Variants in ZBED3 observed in about 807,000 individuals in gnomAD.
The protein encoded by ZBED3 is zinc finger BED-type containing 3.
For synonymous variants in ZBED3, 175 were observed against 180.0 expected, an observed-to-expected ratio of 0.97 and a Z score of 0.22; for missense variants, 388 against 362.9, an observed-to-expected ratio of 1.07 and a Z score of -0.56.
chr5:77,077,404 G>A lies in ZBED3; in HGVS notation c.475C>T (p.Gln159Ter). 2.4e-6 allele frequency: 3 copies of A among 1,248,434 alleles called. No individual in the cohort carries two copies. The highest frequency in any genetic ancestry group is 3.6e-5 in the East Asian group (1 of 28,096). 77.3% of individuals were successfully genotyped at this position (1,248,434 alleles called of 1,614,324 possible). Reference sequence around the variant, plus strand: ...CTCCGCTCCAGGGCGCGCTCGCCCTGCTCCACGGCCAGCTCGCGCCGCTCC... The same window carrying A: ...CTCCGCTCCAGGGCGCGCTCGCCCTACTCCACGGCCAGCTCGCGCCGCTCC... The part of the protein sequence containing the change: ...ELERRELAVE[Q>*]GERALERRRR... Residue 159 changes from glutamine to a stop codon, truncating the protein, a stop_gained, in exon 3 of 3, where the codon CAG becomes TAG. Transcript: ENST00000255198. LOFTEE classifies it low-confidence loss of function (END_TRUNC).
chr5:77,077,783 C>T lies in ZBED3; in HGVS notation c.96G>A (p.Ala32=). 7.6e-7 allele frequency: 1 copy of T among 1,316,990 alleles called. No individual in the cohort carries two copies. Among genetic ancestry groups the T allele is most frequent in the Non-Finnish European group, 9.6e-7 (1 of 1,037,480 alleles). 81.6% of individuals were successfully genotyped at this position (1,316,990 alleles called of 1,614,324 possible). ...RGGQCPGLGP[A]PTPTPPGRLG... ...GGCGGCCGGGAGGCGTCGGCGTCGGCGCCGGCCCCAGTCCCGGACACTGAC... is the reference window on the plus strand; with the variant it reads ...GGCGGCCGGGAGGCGTCGGCGTCGGTGCCGGCCCCAGTCCCGGACACTGAC... Residue 32 remains alanine (A), a synonymous_variant, in exon 3 of 3, where the codon GCG becomes GCA. Transcript: ENST00000255198.
Position 77,077,505 on chromosome 5 carries a change from G to A in ZBED3, c.374C>T (p.Pro125Leu). The part of the protein sequence containing the change: ...CPPPPGPAAA[P>L]EGDWARLLEQ... Reference sequence around the variant, plus strand: ...CAGCAGGCGCGCCCAGTCGCCCTCGGGGGCCGCAGCGGGGCCGGGCGGCGG... The same window carrying A: ...CAGCAGGCGCGCCCAGTCGCCCTCGAGGGCCGCAGCGGGGCCGGGCGGCGG... Residue 125 changes from proline to leucine, a missense_variant, in exon 3 of 3, where the codon CCC (proline) becomes CTC (leucine). Physicochemically the swap from Pro to Leu is moderately conservative, Grantham distance 98. Transcript: ENST00000255198. 8.4e-7 allele frequency: 1 copy of A among 1,194,426 alleles called. No individual in the cohort carries two copies. Among genetic ancestry groups the A allele is most frequent in the Non-Finnish European group, 1.0e-6 (1 of 966,916 alleles). 74.0% of individuals were successfully genotyped at this position (1,194,426 alleles called of 1,614,324 possible).
rs1561296234 is a variant in ZBED3 at position 77,075,938 on chromosome 5, TATATACATA to T, written c.*1227_*1235del. 14 of 13,010 alleles carry T rather than the reference TATATACATA, an allele frequency of 1.1e-3. 1 individual carries two copies. Among genetic ancestry groups the T allele is most frequent in the African/African-American group, 3.2e-3 (10 of 3,168 alleles). The allele number at this position is 13,010 out of a possible 1,614,324, so 0.8% of individuals were successfully genotyped here. The stretch of plus-strand genomic sequence containing the variant: ...ATGCACCCTAGAACTTAAAGTATTA[TATATACATA>T]TATATATATATATATATATGTATAT... On this transcript the variant is annotated 3_prime_UTR_variant, in exon 3 of 3. Transcript: ENST00000255198.
At chr5:77,082,013 T>G (rs2914140) in intron 1 of ZBED3, among the ~76,000 whole-genome samples, 1 of 151,938 alleles carries the variant, frequency 6.6e-6, no homozygotes, top group Non-Finnish European at 1.5e-5. Context: ...ACGCCTGTAA[T>G]CCCAACACTT....
Position 77,083,906 on chromosome 5 carries a change from C to T in ZBED3, c.-153+3205G>A, listed in dbSNP as rs747726042. Reference sequence around the variant, plus strand: ...TTAATTAGCCAAAGCCCTGTGATAACGCGTTTCTTCCTTACCAAATACCCA... The same window carrying T: ...TTAATTAGCCAAAGCCCTGTGATAATGCGTTTCTTCCTTACCAAATACCCA... On this transcript the variant is annotated intron_variant, in intron 1 of 2. Transcript: ENST00000255198. 4.6e-5 allele frequency among the ~76,000 whole-genome samples: 7 copies of T among 152,276 alleles called. No individual in the cohort carries two copies. The East Asian group carries it at 5.8e-4, about 13-fold the overall frequency.
intron 1 of ZBED3, among the ~76,000 whole-genome samples, chr5:77,081,706 C>A (rs1743132756): frequency 6.6e-6 from 1 of 151,986 alleles, no homozygotes; most frequent in South Asian, 2.1e-4. Context: ...GTAAGAGATC[C>A]CTCAATTTTT....
chr5:77,081,121 C>G (rs1005758007), intron 1 of ZBED3, among the ~76,000 whole-genome samples: 2 of 152,044 alleles, frequency 1.3e-5, no homozygotes, highest in African/African-American at 2.4e-5. Context: ...CTCCACTGGC[C>G]AGGAAATTTA....
intron 1 of ZBED3, among the ~76,000 whole-genome samples, chr5:77,082,530 G>A (rs1409496029): frequency 1.3e-5 from 2 of 152,200 alleles, no homozygotes; most frequent in Non-Finnish European, 2.9e-5. Flanking sequence ...TCTGTTCAAT[G>A]TCTTACAAGG....
At position 77,077,561 on chromosome 5, in the gene ZBED3, G is replaced by A. The variant is rs757689613; in HGVS notation, c.318C>T (p.Ala106=). 2.4e-6 allele frequency: 3 copies of A among 1,262,808 alleles called. No individual in the cohort carries two copies. Among genetic ancestry groups the A allele is most frequent in the South Asian group, 5.7e-5 (2 of 35,126 alleles). The allele number at this position is 1,262,808 out of a possible 1,614,324, so 78.2% of individuals were successfully genotyped here. Residue 106 remains alanine (A), a synonymous_variant, in exon 3 of 3, where the codon GCC becomes GCT. Coordinates refer to ENST00000255198, the MANE Select transcript of ZBED3 (RefSeq NM_032367.4). ...AHRRELESSG[A]GSSPPAAPCP... Reference sequence around the variant, plus strand: ...AGGGCGCGGCAGGTGGGGAGCTCCCGGCGCCGCTGCTCTCCAGCTCCCGCC... The same window carrying A: ...AGGGCGCGGCAGGTGGGGAGCTCCCAGCGCCGCTGCTCTCCAGCTCCCGCC...
intron 1 of ZBED3, among the ~76,000 whole-genome samples, chr5:77,083,262 C>T (rs1743168349): frequency 6.6e-6 from 1 of 152,244 alleles, no homozygotes; most frequent in Non-Finnish European, 1.5e-5. Flanking sequence ...GGGAAGCCCA[C>T]TGCTGCGCCG....
rs1742917176 is a variant in ZBED3 at position 77,073,304 on chromosome 5, G to A, written c.*3870C>T. 6.6e-6 allele frequency: 1 copy of A among 152,000 alleles called. No individual in the cohort carries two copies. The highest frequency in any genetic ancestry group is 1.5e-5 in the Non-Finnish European group (1 of 68,018). 9.4% of individuals were successfully genotyped at this position (152,000 alleles called of 1,614,324 possible). A position where few individuals can be genotyped will look rare whatever the true frequency, so the allele number is the denominator to read the frequency against. ...CTATGTTTTAATGGTTCTTACAATT[G>A]GTGAGATAGAAGAGTAACATTTGTG... is the stretch of plus-strand genomic sequence containing the variant. On this transcript the variant is annotated 3_prime_UTR_variant, in exon 3 of 3. Transcript: ENST00000255198.
Position 77,075,277 on chromosome 5 carries a change from A to G in ZBED3, c.*1897T>C, listed in dbSNP as rs899804497. 6.6e-6 allele frequency: 1 copy of G among 152,246 alleles called. No homozygotes were observed. Among genetic ancestry groups the G allele is most frequent in the Non-Finnish European group, 1.5e-5 (1 of 68,060 alleles). 9.4% of individuals were successfully genotyped at this position (152,246 alleles called of 1,614,324 possible). A position where few individuals can be genotyped will look rare whatever the true frequency, so the allele number is the denominator to read the frequency against. ...AGCTGGCCTGGATGCTTCAAAAAGT[A>G]TCATGGGAAAATATGTTGGGGTTGT... On this transcript the variant is annotated 3_prime_UTR_variant, in exon 3 of 3. Transcript: ENST00000255198.
intron 1 of ZBED3, among the ~76,000 whole-genome samples, chr5:77,083,095 C>A (rs772290730): frequency 6.6e-6 from 1 of 152,140 alleles, no homozygotes; most frequent in Non-Finnish European, 1.5e-5. Context: ...CGAGATTGCA[C>A]GATTGTACTC....
chr5:77,075,892 G>A lies in ZBED3; in HGVS notation c.*1282C>T, dbSNP rs77087941. On this transcript the variant is annotated 3_prime_UTR_variant, in exon 3 of 3. Coordinates refer to ENST00000255198, the MANE Select transcript of ZBED3 (RefSeq NM_032367.4). ...GATTGTGGCAGCTTGGAAATAGTCT[G>A]GTGAAGCATAGAAAACTGACATGCA... The A allele has an allele frequency of 4.4e-3, 591 of 135,630 alleles. 39 individuals are homozygous for A. The highest frequency in any genetic ancestry group is 0.015 in the African/African-American group (543 of 36,328). 8.4% of individuals were successfully genotyped at this position (135,630 alleles called of 1,614,324 possible). A position where few individuals can be genotyped will look rare whatever the true frequency, so the allele number is the denominator to read the frequency against.
In ZBED3 at chr5:77,077,140, A is replaced by G; in HGVS notation, c.*34T>C. On this transcript the variant is annotated 3_prime_UTR_variant, in exon 3 of 3. Transcript: ENST00000255198. ...TGAAGGCATTGGCATTGGACGGAGA[A>G]GCGCTGTCCTGGGGTGGGGAAGTGG... 1 of 1,358,156 alleles carries G rather than the reference A, an allele frequency of 7.4e-7. No homozygotes were observed. Among genetic ancestry groups the G allele is most frequent in the Non-Finnish European group, 9.5e-7 (1 of 1,054,610 alleles). 84.1% of individuals were successfully genotyped at this position (1,358,156 alleles called of 1,614,324 possible).
At chr5:77,084,398 C>T (rs1015077383) in intron 1 of ZBED3, among the ~76,000 whole-genome samples, 5 of 152,286 alleles carry the variant, frequency 3.3e-5, no homozygotes, top group Middle Eastern at 6.8e-3. Flanking sequence ...GTTTTATAAA[C>T]GAGAAGCCCT....
At position 77,084,035 on chromosome 5, in the gene ZBED3, A is replaced by G. The variant is rs558024804; in HGVS notation, c.-153+3076T>C. Among the ~76,000 whole-genome samples, 9 of 152,350 alleles carry G rather than the reference A, an allele frequency of 5.9e-5. No homozygotes were observed. The East Asian group carries it at 1.5e-3, about 26-fold the overall frequency. Reference sequence around the variant, plus strand: ...TTTTTAAACTAACACAAAGATGCCAATGAATGAGTATTTTGCTTACATCCA... The same window carrying G: ...TTTTTAAACTAACACAAAGATGCCAGTGAATGAGTATTTTGCTTACATCCA... On this transcript the variant is annotated intron_variant, in intron 1 of 2. Coordinates refer to ENST00000255198, the MANE Select transcript of ZBED3 (RefSeq NM_032367.4).
intron 1 of ZBED3, among the ~76,000 whole-genome samples, chr5:77,085,450 T>C (rs1023191239): frequency 6.6e-6 from 1 of 152,234 alleles, no homozygotes; most frequent in African/African-American, 2.4e-5. Context: ...ACTACACCTC[T>C]ATTTGTCCTT....
chr5:77,081,640 C>T (rs937427935), intron 1 of ZBED3, among the ~76,000 whole-genome samples: 1 of 151,908 alleles, frequency 6.6e-6, no homozygotes, highest in African/African-American at 2.4e-5. Flanking sequence ...GTGAGCATAC[C>T]CAATGAGAAT....
Sources: gnomAD v4.1 joint callset for allele counts (sites outside exome capture counted in the v4.1 genomes callset) on GRCh38, gnomAD v4.1.1 for gene constraint, MANE v1.5 for transcripts, NCBI Gene and HGNC (gene_info 2026-07-23, HGNC 2026-07-21) for gene names.